Variants in INPP5D observed in about 807,000 individuals in gnomAD.
INPP5D encodes the protein phosphatidylinositol 3,4,5-trisphosphate 5-phosphatase 1.
In INPP5D, 33 loss-of-function variants were observed where a neutral mutation model predicts 122.9. The observed-to-expected ratio is 0.27, with a 90% CI of 0.20 to 0.36. The LOEUF is 0.36. Among genes scored for constraint, INPP5D ranks in the 10% least tolerant of loss-of-function variants. The pLI, the probability that INPP5D is intolerant of heterozygous loss-of-function variation, is 1.00. For missense variants in INPP5D, 1,053 were observed against 1,412.7 expected (o/e 0.75, Z 4.08); for synonymous variants, 584 against 576.2 (o/e 1.01, Z -0.19).
Position 233,182,492 on chromosome 2 carries a change from C to T in INPP5D, c.2154C>T (p.Ser718=), listed in dbSNP as rs70940832. ...CAGGAGTCACTTCCCAGTTTGTCTC[C>T]AAGAACGGTAAGCAAAGGATGGTGT... ...FEAGVTSQFV[S]KNGPGTVDSQ... is the part of the protein sequence containing the mutation. Residue 718 remains serine, a synonymous_variant, in exon 19 of 27, where the codon TCC becomes TCT. Transcript: ENST00000445964. 1.3e-3 allele frequency: 2,046 copies of T among 1,613,408 alleles called. 20 individuals carry two copies. The East Asian group carries it at 0.022, about 17-fold the overall frequency.
intron 2 of INPP5D, among the ~76,000 whole-genome samples, chr2:233,116,387 T>A (rs1692797327): frequency 6.6e-6 from 1 of 151,506 alleles, no homozygotes; most frequent in Non-Finnish European, 1.5e-5. Flanking sequence ...CCTCCTGGGT[T>A]CAAGCAATCC....
At chr2:233,127,178 C>T (rs975363293) in intron 4 of INPP5D, among the ~76,000 whole-genome samples, 3 of 152,204 alleles carry the variant, frequency 2.0e-5, no homozygotes, top group African/African-American at 7.2e-5. Flanking sequence ...TTCCAGGCAG[C>T]TTTCCAGGAG....
chr2:233,145,150 G>T, intron 6 of INPP5D: 1 of 445,536 alleles, frequency 2.2e-6, no homozygotes, highest in Non-Finnish European at 4.5e-6. Context: ...TCCACACCTG[G>T]CAGCATGTCT....
At chr2:233,149,894 T>TCAC (rs754836401) in intron 9 of INPP5D, among the ~76,000 whole-genome samples, 2 of 152,050 alleles carry the variant, frequency 1.3e-5, no homozygotes, top group African/African-American at 2.4e-5. Flanking sequence ...TCATTGACTG[T>TCAC]CACCACCACC....
Position 233,206,378 on chromosome 2 carries a change from G to A in INPP5D, c.3568-328G>A, listed in dbSNP as rs539798897. 2.6e-5 allele frequency among the ~76,000 whole-genome samples: 4 copies of A among 151,130 alleles called. No individual in the cohort carries two copies. The highest frequency in any genetic ancestry group is 5.9e-5 in the Non-Finnish European group (4 of 67,878). On this transcript the variant is annotated intron_variant, in intron 26 of 26. Transcript: ENST00000445964. This position sits in a 1 kb window ranked among gnomAD's most constrained non-coding sequence, Gnocchi z 4.0. ...TATATTTTATATATATATATGGTAC[G>A]TACCTGGGTGTGGTGCCATGCACCT...
In INPP5D at chr2:233,080,567, A is replaced by G. The variant is rs190334403; in HGVS notation, c.198+1169A>G. 4.1e-3 allele frequency among the ~76,000 whole-genome samples: 617 copies of G among 152,208 alleles called. 27 individuals are homozygous for G. The highest frequency in any genetic ancestry group is 0.036 in the Admixed American group (552 of 15,280). ...GTAGCCGGGGTCGACAAAGGTTTGG[A>G]TATCATGTCATGGAAGAGCAATGAC... On this transcript the variant is annotated intron_variant, in intron 2 of 26. Transcript: ENST00000445964.
chr2:233,164,136 T>A lies in INPP5D; in HGVS notation c.1438-171T>A, dbSNP rs897841519. Among the ~76,000 whole-genome samples, 1 of 152,184 alleles carries A rather than the reference T, an allele frequency of 6.6e-6. No individual in the cohort carries two copies. Among genetic ancestry groups the A allele is most frequent in the African/African-American group, 2.4e-5 (1 of 41,442 alleles). On this transcript the variant is annotated intron_variant, in intron 12 of 26. Coordinates refer to ENST00000445964, the MANE Select transcript of INPP5D (RefSeq NM_001017915.3). The surrounding 1 kb of genome is among the most constrained non-coding windows in gnomAD (Gnocchi z 4.3). ...CTTGGTCAGCCCCGGTTCTCATCTT[T>A]AGGATGTTTTGTCTCGCCTATCAAG...
At chr2:233,171,770 T>C (rs1694499041) in intron 17 of INPP5D, among the ~76,000 whole-genome samples, 1 of 152,034 alleles carries the variant, frequency 6.6e-6, no homozygotes, top group African/African-American at 2.4e-5. Flanking sequence ...GACTTCACAG[T>C]AGGAAAAACA....
At chr2:233,098,304 G>A (rs1387163146) in intron 2 of INPP5D, among the ~76,000 whole-genome samples, 1 of 152,156 alleles carries the variant, frequency 6.6e-6, no homozygotes, top group Non-Finnish European at 1.5e-5. Context: ...ACCGAATGGT[G>A]CCCAAATGGG....
At chr2:233,102,456 G>C (rs1692340749) in intron 2 of INPP5D, among the ~76,000 whole-genome samples, 1 of 152,188 alleles carries the variant, frequency 6.6e-6, no homozygotes, top group African/African-American at 2.4e-5. Context: ...GCCAGAATGA[G>C]AGGAAGAAAC....
intron 4 of INPP5D, among the ~76,000 whole-genome samples, chr2:233,129,024 G>A (rs776043522): frequency 7.9e-5 from 12 of 152,094 alleles, no homozygotes; most frequent in Non-Finnish European, 1.3e-4. Flanking sequence ...ACATTAGCTA[G>A]GTCTGGTGGC....
At chr2:233,113,447 AT>A (rs10709547) in intron 2 of INPP5D, among the ~76,000 whole-genome samples, 46,175 of 150,234 alleles carry the variant, frequency 0.31, 10,321 homozygotes, top group African/African-American at 0.64. Flanking sequence ...TTTTGTTTGT[AT>A]TTTTTTTTTC....
At chr2:233,066,072 C>G (rs930389185) in intron 1 of INPP5D, among the ~76,000 whole-genome samples, 1 of 152,100 alleles carries the variant, frequency 6.6e-6, no homozygotes, top group African/African-American at 2.4e-5. Flanking sequence ...ATCCTCCTGC[C>G]TCAGTTTCCC....
In INPP5D at chr2:233,170,565, C is replaced by G. The variant is rs2106302693; in HGVS notation, c.1861C>G (p.Leu621Val). 6.2e-7 allele frequency: 1 copy of G among 1,613,724 alleles called. No homozygotes were observed. The highest frequency in any genetic ancestry group is 2.2e-5 in the East Asian group (1 of 44,858). ...AGACCTCCTGTCCCACGACCAGCTG[C>G]TCACAGAGAGGAGGGAGCAGAAGGT... ...YADLLSHDQL[L>V]TERREQKVFL... Residue 621 changes from leucine to valine, a missense_variant, in exon 16 of 27, where the codon CTC becomes GTC. Leu to Val is a conservative substitution (Grantham distance 32, BLOSUM62 1). Transcript: ENST00000445964. The surrounding 1 kb of genome is among the most constrained non-coding windows in gnomAD (Gnocchi z 4.5).
chr2:233,161,663 C>T, intron 10 of INPP5D, 61 bp from the exon 11 acceptor site: 4 of 1,509,774 alleles, frequency 2.6e-6, no homozygotes, highest in Non-Finnish European at 3.6e-6. Context: ...AAGTCCTTTG[C>T]AAAGTGTAAT....
intron 2 of INPP5D, among the ~76,000 whole-genome samples, chr2:233,099,543 C>T (rs985539805): frequency 6.6e-6 from 1 of 152,214 alleles, no homozygotes; most frequent in African/African-American, 2.4e-5. Flanking sequence ...AACAAAATCA[C>T]AAATGAACCC....
At chr2:233,132,040 C>T (rs1180301804) in intron 5 of INPP5D, among the ~76,000 whole-genome samples, 2 of 152,222 alleles carry the variant, frequency 1.3e-5, no homozygotes, top group Non-Finnish European at 2.9e-5. Flanking sequence ...TGGCTTTCAA[C>T]TAATGCAGCT....
chr2:233,093,787 T>C (rs1692051912), intron 2 of INPP5D, among the ~76,000 whole-genome samples: 1 of 152,158 alleles, frequency 6.6e-6, no homozygotes. Flanking sequence ...GTGAAAAGAT[T>C]TGCAAAAATT....
At chr2:233,108,488 T>C (rs1692524223) in intron 2 of INPP5D, among the ~76,000 whole-genome samples, 1 of 152,262 alleles carries the variant, frequency 6.6e-6, no homozygotes, top group Non-Finnish European at 1.5e-5. Flanking sequence ...GCCCACTTTC[T>C]TCCACATCTG....
Sources: gnomAD v4.1 joint callset for allele counts (sites outside exome capture counted in the v4.1 genomes callset) on GRCh38, gnomAD v4.1.1 for gene constraint, Gnocchi (gnomAD v3.1) non-coding constraint, MANE v1.5 for transcripts, NCBI Gene and HGNC (gene_info 2026-07-23, HGNC 2026-07-21) for gene names.